The following BLTP1 variants were observed in gnomAD, a reference collection of about 807,000 sequenced individuals.
BLTP1 encodes the protein bridge-like lipid transfer protein family member 1, also known as fragile site-associated protein.
chr4:122,341,317 A>T, the BLTP1 span, among the ~76,000 whole-genome samples: 1 of 152,156 alleles, frequency 6.6e-6, no homozygotes, highest in African/African-American at 2.4e-5. Flanking sequence ...TCTTCCCAAC[A>T]CTGCTTTAAA....
chr4:122,348,484 T>A, the BLTP1 span: 7 of 1,152,752 alleles, frequency 6.1e-6, no homozygotes, highest in Non-Finnish European at 6.0e-6. Context: ...ACTTTTTGGA[T>A]TATAGCAATA....
the BLTP1 span, chr4:122,223,002 A>C: frequency 9.6e-6 from 9 of 935,090 alleles, no homozygotes; most frequent in Non-Finnish European, 1.0e-5. Flanking sequence ...AAAATTTTAT[A>C]CTGAGAATTA....
chr4:122,205,501 C>T, the BLTP1 span, among the ~76,000 whole-genome samples: 1 of 76,302 alleles, frequency 1.3e-5, no homozygotes, highest in Non-Finnish European at 3.0e-5. Flanking sequence ...CCAATTGTTT[C>T]TCTCTCTCTC....
At chr4:122,248,187 T>G in the BLTP1 span, 7 of 861,764 alleles carry the variant, frequency 8.1e-6, no homozygotes, top group Non-Finnish European at 9.8e-6. Context: ...GGACTTTTCA[T>G]GACTACCTAA....
the BLTP1 span, chr4:122,249,340 C>T: frequency 7.8e-7 from 1 of 1,290,286 alleles, no homozygotes; most frequent in Non-Finnish European, 1.0e-6. Flanking sequence ...TAAAAGTTAG[C>T]TCATTTGCCT....
the BLTP1 span, chr4:122,263,270 T>G: frequency 1.0e-6 from 1 of 982,128 alleles, no homozygotes; most frequent in Non-Finnish European, 1.2e-6. Flanking sequence ...ATAATAAAAA[T>G]AAGCTATTTA....
chr4:122,238,005 T>C, the BLTP1 span: 2 of 1,213,550 alleles, frequency 1.6e-6, no homozygotes, highest in Non-Finnish European at 1.1e-6. Context: ...AAAAAAATTA[T>C]ACTTAAAAAT....
the BLTP1 span, among the ~76,000 whole-genome samples, chr4:122,260,271 C>A: frequency 8.5e-5 from 13 of 152,196 alleles, no homozygotes; most frequent in African/African-American, 3.1e-4. Context: ...TATGGGTTCA[C>A]TGTTGTATAC....
the BLTP1 span, chr4:122,324,478 C>T: frequency 1.9e-6 from 3 of 1,610,792 alleles, no homozygotes; most frequent in South Asian, 1.1e-5. Context: ...AAGTTACAGC[C>T]GATCAAAAAG....
chr4:122,318,976 A>G, the BLTP1 span, among the ~76,000 whole-genome samples: 6 of 152,172 alleles, frequency 3.9e-5, no homozygotes, highest in African/African-American at 1.4e-4. Flanking sequence ...TGTTTCAAGG[A>G]ATCGGTCTAT....
chr4:122,292,540 C>A, the BLTP1 span: 23 of 832,282 alleles, frequency 2.8e-5, no homozygotes, highest in Non-Finnish European at 3.3e-5. Context: ...TACATTTAGA[C>A]TGTCAGAAGA....
At chr4:122,251,953 T>C in the BLTP1 span, among the ~76,000 whole-genome samples, 1,039 of 152,278 alleles carry the variant, frequency 6.8e-3, 12 homozygotes, top group African/African-American at 0.024. Context: ...TTGTGTTTAG[T>C]GGCCTTTTAG....
chr4:122,205,131 A>G, the BLTP1 span, among the ~76,000 whole-genome samples: 3 of 151,882 alleles, frequency 2.0e-5, no homozygotes, highest in African/African-American at 7.2e-5. Context: ...GATATTATGT[A>G]AGATAAATTT....
chr4:122,339,389 T>G, the BLTP1 span: 1 of 1,611,908 alleles, frequency 6.2e-7, no homozygotes, highest in Admixed American at 1.7e-5. Flanking sequence ...AGACTTCTGC[T>G]AGCAAAACTG....
At chr4:122,361,668 A>G in the BLTP1 span, among the ~76,000 whole-genome samples, 109 of 152,334 alleles carry the variant, frequency 7.2e-4, no homozygotes, top group Admixed American at 1.6e-3. Context: ...CATAGCACTC[A>G]GTAAATTTTA....
At chr4:122,274,904 A>G in the BLTP1 span, among the ~76,000 whole-genome samples, 8 of 152,230 alleles carry the variant, frequency 5.3e-5, no homozygotes, top group South Asian at 1.7e-3. Context: ...TGTGATAGCT[A>G]CCTTGGGGAA....
the BLTP1 span, chr4:122,183,584 A>C: frequency 2.2e-6 from 2 of 895,240 alleles, no homozygotes; most frequent in Non-Finnish European, 2.7e-6. Flanking sequence ...TTATAATACA[A>C]GGAGCACTGG....
chr4:122,201,182 A>C, the BLTP1 span: 1 of 1,370,380 alleles, frequency 7.3e-7, no homozygotes, highest in South Asian at 1.4e-5. Flanking sequence ...ACTTGTTTAC[A>C]TTTGATAAGT....
chr4:122,309,508 T>C, the BLTP1 span: 7 of 1,550,342 alleles, frequency 4.5e-6, no homozygotes, highest in East Asian at 4.5e-5. Flanking sequence ...ACTTAAAAAA[T>C]AAAACATTAA....
Sources: allele counts gnomAD v4.1 joint callset (sites outside exome capture counted in the v4.1 genomes callset), GRCh38; gene constraint gnomAD v4.1.1; transcripts MANE v1.5; gene names NCBI Gene and HGNC (gene_info 2026-07-23, HGNC 2026-07-21).